CAMTA1: variants seen among roughly 807,000 people sequenced by gnomAD.
CAMTA1 encodes calmodulin-binding transcription activator 1.
A neutral mutation model predicts 170.9 loss-of-function variants in CAMTA1; 27 were observed. That is an observed-to-expected ratio of 0.16 (90% CI 0.12 to 0.22). The LOEUF is 0.22. CAMTA1 is among the 10% of genes least tolerant of loss of function. CAMTA1 has a pLI of 1.00. For synonymous variants in CAMTA1, 833 were observed against 891.5 expected (o/e 0.93, Z 1.17); for missense variants, 1,619 against 2,217.2 (o/e 0.73, Z 5.42).
chr1:7,566,576 TCCAAGAAAATCACATGA>T (rs2095045390), intron 6 of CAMTA1, among the ~76,000 whole-genome samples: 1 of 151,830 alleles, frequency 6.6e-6, no homozygotes, highest in Non-Finnish European at 1.5e-5. Flanking sequence ...CAGCCCCAGC[TCCAAGAAAATCACATGA>T]CCATGGCTTT....
intron 5 of CAMTA1, among the ~76,000 whole-genome samples, chr1:7,447,812 C>A (rs1349425700): frequency 1.3e-5 from 2 of 152,228 alleles, no homozygotes; most frequent in South Asian, 4.1e-4. Context: ...GAGGAACTCC[C>A]ATGAGCATTC....
At chr1:7,274,944 C>T (rs547872395) in intron 5 of CAMTA1, among the ~76,000 whole-genome samples, 1 of 152,098 alleles carries the variant, frequency 6.6e-6, no homozygotes, top group East Asian at 1.9e-4. Context: ...GAGTTCGAGA[C>T]CAGCCTGGCC....
chr1:7,437,717 C>T (rs1276861083), intron 5 of CAMTA1, among the ~76,000 whole-genome samples: 2 of 152,216 alleles, frequency 1.3e-5, no homozygotes, highest in East Asian at 3.9e-4. Context: ...TAGAAGCCTG[C>T]AGCTTGGTGG....
intron 5 of CAMTA1, among the ~76,000 whole-genome samples, chr1:7,386,651 C>T (rs980113690): frequency 6.6e-6 from 1 of 152,216 alleles, no homozygotes; most frequent in African/African-American, 2.4e-5. Flanking sequence ...AGGCCCAGCC[C>T]TCCCTTCCCA....
At chr1:6,788,912 T>C (rs1044478268) in intron 1 of CAMTA1, among the ~76,000 whole-genome samples, 3 of 152,210 alleles carry the variant, frequency 2.0e-5, no homozygotes, top group African/African-American at 7.2e-5. Context: ...TAGTGCAGAA[T>C]GCTCTGTTGC....
At position 7,493,373 on chromosome 1, in the gene CAMTA1, GCA is replaced by G. The variant is rs988486136; in HGVS notation, c.510+25479_510+25480del. Among the ~76,000 whole-genome samples the G allele has an allele frequency of 6.9e-5, 5 of 72,100 alleles. 1 individual carries two copies. The East Asian group carries it at 2.8e-3, about 40-fold the overall frequency. 47.3% of individuals were successfully genotyped at this position (72,100 alleles called of 152,430 possible). A position where few individuals can be genotyped will look rare whatever the true frequency, so the allele number is the denominator to read the frequency against. The stretch of plus-strand genomic sequence containing the variant: ...AACACAAACATACAAACACACGTGC[GCA>G]CACACAAACAAACACGTGCACACAC... On this transcript the variant is annotated intron_variant, in intron 6 of 22. Transcript: ENST00000303635.
In CAMTA1 at chr1:7,337,552, A is replaced by G. The variant is rs558576600; in HGVS notation, c.438+87926A>G. On this transcript the variant is annotated intron_variant, in intron 5 of 22. Coordinates refer to ENST00000303635, the MANE Select transcript of CAMTA1 (RefSeq NM_015215.4). ...CAGTGTGGGCCGTGGGCTGCATCCA[A>G]TCACAGTGTGGGCAGTGGGCCTCAT... Among the ~76,000 whole-genome samples, 7 of 139,440 alleles carry G rather than the reference A, an allele frequency of 5.0e-5. No homozygotes were observed. The South Asian group carries it at 1.2e-3, about 23-fold the overall frequency. 91.5% of individuals were successfully genotyped at this position (139,440 alleles called of 152,430 possible).
At chr1:7,466,727 G>A (rs1316917040) in intron 5 of CAMTA1, among the ~76,000 whole-genome samples, 1 of 152,164 alleles carries the variant, frequency 6.6e-6, no homozygotes, top group Non-Finnish European at 1.5e-5. Flanking sequence ...AGCGGATGCA[G>A]TGGGAAGCCA....
At chr1:6,891,564 G>C (rs1361011442) in intron 3 of CAMTA1, among the ~76,000 whole-genome samples, 2 of 152,066 alleles carry the variant, frequency 1.3e-5, no homozygotes, top group Non-Finnish European at 2.9e-5. Context: ...GGAAACATGG[G>C]GTAGTCAGTT....
At chr1:7,314,083 A>G (rs926387234) in intron 5 of CAMTA1, among the ~76,000 whole-genome samples, 38 of 152,352 alleles carry the variant, frequency 2.5e-4, no homozygotes, top group Admixed American at 7.8e-4. Context: ...CCCGGGAGGG[A>G]TCCATTCCTA....
chr1:6,836,907 C>T (rs926562757), intron 3 of CAMTA1, among the ~76,000 whole-genome samples: 3 of 151,450 alleles, frequency 2.0e-5, no homozygotes, highest in East Asian at 1.9e-4. Flanking sequence ...AACAACATTC[C>T]GAAATTCTGT....
intron 5 of CAMTA1, among the ~76,000 whole-genome samples, chr1:7,269,279 C>T (rs1407049481): frequency 6.6e-6 from 1 of 152,254 alleles, no homozygotes; most frequent in Non-Finnish European, 1.5e-5. Flanking sequence ...TCAAGGGCTT[C>T]AGTTCTTAGC....
chr1:7,655,448 C>T (rs992035972), intron 7 of CAMTA1, among the ~76,000 whole-genome samples: 2 of 149,638 alleles, frequency 1.3e-5, no homozygotes, highest in Non-Finnish European at 3.0e-5. Context: ...CCTATACACA[C>T]ATACCTATAC....
intron 5 of CAMTA1, among the ~76,000 whole-genome samples, chr1:7,340,332 C>G (rs776076399): frequency 6.6e-6 from 1 of 152,116 alleles, no homozygotes; most frequent in Non-Finnish European, 1.5e-5. Flanking sequence ...TTCCTGCCCC[C>G]ACTAGCCTAC....
intron 3 of CAMTA1, among the ~76,000 whole-genome samples, chr1:6,906,181 A>ATGCTCCTGGCAAT (rs1553181721): frequency 6.6e-6 from 1 of 151,844 alleles, no homozygotes; most frequent in South Asian, 2.1e-4. Flanking sequence ...GTCATGTCAA[A>ATGCTCCTGGCAAT]TGGTACTCCC....
intron 3 of CAMTA1, among the ~76,000 whole-genome samples, chr1:7,069,319 C>G (rs911289373): frequency 1.3e-5 from 2 of 152,200 alleles, no homozygotes; most frequent in Admixed American, 1.3e-4. Context: ...GAGATGTTAA[C>G]TGACTTGCCC....
chr1:7,290,643 A>G (rs943791167), intron 5 of CAMTA1, among the ~76,000 whole-genome samples: 3 of 152,156 alleles, frequency 2.0e-5, no homozygotes, highest in Non-Finnish European at 4.4e-5. Context: ...CTTTCTCCGC[A>G]TATAAACTGA....
chr1:7,742,125 A>G (rs1461156604), intron 16 of CAMTA1, among the ~76,000 whole-genome samples: 3 of 140,290 alleles, frequency 2.1e-5, no homozygotes, highest in Admixed American at 7.2e-5. Flanking sequence ...GTGTGTGTGT[A>G]TATATACATA....
At chr1:7,576,528 G>A (rs990217507) in intron 6 of CAMTA1, among the ~76,000 whole-genome samples, 13 of 152,204 alleles carry the variant, frequency 8.5e-5, no homozygotes, top group African/African-American at 2.2e-4. Flanking sequence ...AAGCAAGAAG[G>A]CACTGTCTAG....
Sources: gnomAD v4.1 joint callset for allele counts (sites outside exome capture counted in the v4.1 genomes callset) on GRCh38, gnomAD v4.1.1 for gene constraint, MANE v1.5 for transcripts, NCBI Gene and HGNC (gene_info 2026-07-23, HGNC 2026-07-21) for gene names.